BRAF: variants seen among roughly 807,000 people sequenced by gnomAD.
BRAF encodes serine/threonine-protein kinase B-raf.
BRAF carries 16 observed loss-of-function variants against 104.6 expected under a neutral mutation model. The observed-to-expected ratio is 0.15, with a 90% confidence interval of 0.10 to 0.23. The LOEUF (loss-of-function observed/expected upper bound fraction) is 0.23, where lower values mean the gene tolerates loss of function less well. Ranked by LOEUF, BRAF falls within the 10% of genes least tolerant of loss-of-function variation. The pLI is 1.00. For missense variants in BRAF, 541 were observed against 937.3 expected (o/e 0.58, Z 5.52); for synonymous variants, 310 against 341.6 (o/e 0.91, Z 1.02).
intron 14 of BRAF, 67 bp from the exon 14 acceptor site, chr7:140,754,300 C>G (rs1798026153): frequency 1.4e-6 from 2 of 1,393,932 alleles, no homozygotes; most frequent in Admixed American, 3.4e-5. Context: ...ATCTACAGAA[C>G]ATACTTGGGG....
At chr7:140,865,166 G>A (rs550540780) in intron 1 of BRAF, among the ~76,000 whole-genome samples, 13 of 151,552 alleles carry the variant, frequency 8.6e-5, no homozygotes, top group East Asian at 3.9e-4. Context: ...CGCAGACTCC[G>A]CGTCCTGGGC....
intron 1 of BRAF, among the ~76,000 whole-genome samples, chr7:140,902,355 C>T (rs1372949324): frequency 6.6e-6 from 1 of 152,226 alleles, no homozygotes; most frequent in African/African-American, 2.4e-5. Flanking sequence ...CTCACTGCTC[C>T]ACTGACCAGC....
In BRAF at chr7:140,725,168, G is replaced by A. The variant is rs188275729; in HGVS notation, c.*1326C>T. On this transcript the variant is annotated 3_prime_UTR_variant, in exon 20 of 20. Transcript: ENST00000644969. ...TGGAGACGCCACCATTTTTATTTTA[G>A]GTTGCATATTCTAGATAAAAGACTA... 748 of 1,042,774 alleles carry A rather than the reference G, an allele frequency of 7.2e-4. No homozygotes were observed. The highest frequency in any genetic ancestry group is 1.4e-3 in the Admixed American group (25 of 17,916). The allele number at this position is 1,042,774 out of a possible 1,614,324, so 64.6% of individuals were successfully genotyped here.
At chr7:140,918,515 G>A (rs750221730) in intron 1 of BRAF, among the ~76,000 whole-genome samples, 3 of 152,146 alleles carry the variant, frequency 2.0e-5, no homozygotes, top group Non-Finnish European at 4.4e-5. Context: ...ACGAGGCTGT[G>A]GCCCAGGGGT....
rs547895025 is a variant in BRAF at position 140,734,421 on chromosome 7, G to A, written c.2401+196C>T. On this transcript the variant is annotated intron_variant, in intron 19 of 19. Transcript: ENST00000644969. Reference sequence around the variant, plus strand: ...AACCCTTGGATGTTAAAAATCCAATGTTAAGTATAAATTTTAGTTTGGGGA... The same window carrying A: ...AACCCTTGGATGTTAAAAATCCAATATTAAGTATAAATTTTAGTTTGGGGA... The A allele has an allele frequency of 4.0e-6, 6 of 1,505,370 alleles. No individual in the cohort carries two copies. The East Asian group carries it at 1.4e-4, about 35-fold the overall frequency. The allele number at this position is 1,505,370 out of a possible 1,614,324, so 93.3% of individuals were successfully genotyped here.
chr7:140,818,124 ACTGT>A (rs972295801), intron 3 of BRAF, among the ~76,000 whole-genome samples: 6 of 152,046 alleles, frequency 3.9e-5, no homozygotes, highest in Admixed American at 1.3e-4. Flanking sequence ...TATCATAGTG[ACTGT>A]CTTTTTGGGG....
intron 1 of BRAF, among the ~76,000 whole-genome samples, chr7:140,883,526 C>A (rs987092020): frequency 2.0e-5 from 3 of 152,166 alleles, no homozygotes; most frequent in African/African-American, 7.2e-5. Flanking sequence ...CTACCCCATC[C>A]CTAAATCATC....
intron 1 of BRAF, among the ~76,000 whole-genome samples, chr7:140,890,880 C>T (rs1236376919): frequency 6.6e-6 from 1 of 152,142 alleles, no homozygotes; most frequent in Non-Finnish European, 1.5e-5. Context: ...CACAATTGCA[C>T]AAGATTATTA....
intron 1 of BRAF, among the ~76,000 whole-genome samples, chr7:140,868,820 T>C (rs965042661): frequency 6.6e-6 from 1 of 152,186 alleles, no homozygotes. Flanking sequence ...AAATGAACTA[T>C]AGTGTAAATG....
chr7:140,917,032 A>C (rs76256790), intron 1 of BRAF, among the ~76,000 whole-genome samples: 2,592 of 152,340 alleles, frequency 0.017, 53 homozygotes, highest in Non-Finnish European at 0.025. Context: ...ATTCAAAAGA[A>C]ATTTGATAAA....
At chr7:140,729,901 A>G (rs1046985840) in intron 19 of BRAF, among the ~76,000 whole-genome samples, 3 of 152,206 alleles carry the variant, frequency 2.0e-5, no homozygotes, top group Non-Finnish European at 4.4e-5. Context: ...ACAAATTTTT[A>G]CCAACAAACT....
intron 14 of BRAF, among the ~76,000 whole-genome samples, chr7:140,756,996 AC>A (rs1032780487): frequency 2.0e-5 from 3 of 152,168 alleles, no homozygotes; most frequent in African/African-American, 7.2e-5. Flanking sequence ...TCTAACCAAC[AC>A]AAACTATGGT....
downstream of BRAF, among the ~76,000 whole-genome samples, chr7:140,715,144 C>T (rs1340559959): frequency 6.6e-6 from 1 of 152,176 alleles, no homozygotes; most frequent in African/African-American, 2.4e-5. Context: ...GATAGGCTTT[C>T]CTAGTAACTG....
intron 1 of BRAF, among the ~76,000 whole-genome samples, chr7:140,874,313 T>C (rs1023393982): frequency 2.6e-5 from 4 of 151,478 alleles, no homozygotes; most frequent in Admixed American, 1.3e-4. Flanking sequence ...GCAATTCTCC[T>C]GCCTCAGCCT....
intron 1 of BRAF, among the ~76,000 whole-genome samples, chr7:140,865,734 G>C (rs1019422740): frequency 6.6e-6 from 1 of 152,132 alleles, no homozygotes; most frequent in Admixed American, 6.5e-5. Flanking sequence ...GATGATTTAG[G>C]AGTTTGATGA....
At chr7:140,826,365 T>A (rs1806051321) in intron 3 of BRAF, among the ~76,000 whole-genome samples, 2 of 152,236 alleles carry the variant, frequency 1.3e-5, no homozygotes, top group East Asian at 3.8e-4. Context: ...TCCAACTCTA[T>A]TACAAAAAAT....
chr7:140,754,104 G>T, intron 15 of BRAF, 83 bp downstream of exon 14: 1 of 1,396,362 alleles, frequency 7.2e-7, no homozygotes, highest in Non-Finnish European at 1.0e-6. Context: ...CATGAAAACT[G>T]TTTTTACATA....
chr7:140,718,181 G>A (rs760906553), downstream of BRAF, among the ~76,000 whole-genome samples: 89 of 152,100 alleles, frequency 5.9e-4, no homozygotes, highest in Non-Finnish European at 5.4e-4. Flanking sequence ...TGCAACCTCC[G>A]CCTCCCAGGT....
At chr7:140,851,185 T>C (rs1809118971) in intron 1 of BRAF, among the ~76,000 whole-genome samples, 1 of 151,986 alleles carries the variant, frequency 6.6e-6, no homozygotes, top group African/African-American at 2.4e-5. Flanking sequence ...TTAAGATAAA[T>C]AAGTAATCAG....
Sources: allele counts gnomAD v4.1 joint callset (sites outside exome capture counted in the v4.1 genomes callset), GRCh38; gene constraint gnomAD v4.1.1; transcripts MANE v1.5; gene names NCBI Gene and HGNC (gene_info 2026-07-23, HGNC 2026-07-21).